The following ADAM19 variants were observed in gnomAD, a reference collection of about 807,000 sequenced individuals.
ADAM19 encodes disintegrin and metalloproteinase domain-containing protein 19.
Under a neutral mutation model 114.7 loss-of-function variants are expected in ADAM19, and 65 were observed. That is an observed-to-expected ratio of 0.57 (90% CI 0.46 to 0.70). ADAM19 has a LOEUF of 0.70. ADAM19 is among the 30% of genes least tolerant of loss of function. The pLI is 0.00. For synonymous variants in ADAM19, 466 were observed against 460.5 expected, an observed-to-expected ratio of 1.01 and a Z score of -0.15; for missense variants, 1,063 against 1,204.7, an observed-to-expected ratio of 0.88 and a Z score of 1.74.
chr5:157,519,823 G>A lies in ADAM19; in HGVS notation c.600+16C>T. 6.3e-7 allele frequency: 1 copy of A among 1,597,260 alleles called. No individual in the cohort carries two copies. Among genetic ancestry groups the A allele is most frequent in the Non-Finnish European group, 8.5e-7 (1 of 1,169,782 alleles). Reference sequence around the variant, plus strand: ...GTCCCCAGGTTGATTTCTGCACTGAGAGCCTCAAAACTCACCCTGCGAGGT... The same window carrying A: ...GTCCCCAGGTTGATTTCTGCACTGAAAGCCTCAAAACTCACCCTGCGAGGT... On this transcript the variant is annotated intron_variant, in intron 6 of 22. Coordinates refer to ENST00000257527, the MANE Select transcript of ADAM19 (RefSeq NM_033274.5).
At chr5:157,503,629 G>A (rs1023431781) in intron 11 of ADAM19, among the ~76,000 whole-genome samples, 65 of 152,192 alleles carry the variant, frequency 4.3e-4, no homozygotes, top group African/African-American at 1.5e-3. Flanking sequence ...AGGGGGCTGC[G>A]ATAAGTAAAG....
At chr5:157,569,273 T>C (rs1390187387) in intron 2 of ADAM19, among the ~76,000 whole-genome samples, 2 of 146,446 alleles carry the variant, frequency 1.4e-5, no homozygotes, top group African/African-American at 2.6e-5. Flanking sequence ...AGGTCTTGCA[T>C]TGTCACTCAG....
intron 19 of ADAM19, among the ~76,000 whole-genome samples, chr5:157,489,746 G>A (rs1034186611): frequency 6.6e-6 from 1 of 152,248 alleles, no homozygotes; most frequent in Admixed American, 6.5e-5. Context: ...AGCATTTTGG[G>A]AGGCCAAAGC....
Position 157,509,341 on chromosome 5 carries a change from G to A in ADAM19, c.865C>T (p.Leu289=). The change falls in exon 9 of 23, where the codon CTG becomes TTG. Residue 289 remains leucine (L), a synonymous_variant. Transcript: ENST00000257527. ...TTGTCATGGTACTTCTGGGCAAGCA[G>A]CTTGCGCCTCCAACTGAGAAAGGAC... is the stretch of plus-strand genomic sequence containing the variant. ...LWSFLSWRRK[L]LAQKYHDNAQ... is the part of the protein sequence containing the mutation. 1 of 1,612,492 alleles carries A rather than the reference G, an allele frequency of 6.2e-7. No homozygotes were observed. The highest frequency in any genetic ancestry group is 8.5e-7 in the Non-Finnish European group (1 of 1,179,026).
chr5:157,484,231 T>G (rs527842066), intron 21 of ADAM19, among the ~76,000 whole-genome samples: 1 of 152,324 alleles, frequency 6.6e-6, no homozygotes, highest in South Asian at 2.1e-4. Context: ...CTTACTGCCT[T>G]ACAACATATA....
chr5:157,545,949 G>A (rs145368396), intron 3 of ADAM19, among the ~76,000 whole-genome samples: 138 of 152,324 alleles, frequency 9.1e-4, no homozygotes, highest in African/African-American at 3.0e-3. Flanking sequence ...TGATCAAGAC[G>A]CAGCACCTTT....
chr5:157,519,181 A>C (rs1326072719), intron 6 of ADAM19, among the ~76,000 whole-genome samples: 1 of 152,202 alleles, frequency 6.6e-6, no homozygotes, highest in Non-Finnish European at 1.5e-5. Flanking sequence ...TATGAGAGGG[A>C]GTGTGCTAAC....
intron 3 of ADAM19, among the ~76,000 whole-genome samples, chr5:157,556,631 C>G (rs1757376364): frequency 6.6e-6 from 1 of 152,158 alleles, no homozygotes; most frequent in African/African-American, 2.4e-5. Context: ...CCACACCCTG[C>G]AATGAAGGTA....
intron 3 of ADAM19, among the ~76,000 whole-genome samples, chr5:157,551,412 CA>C (rs58612508): frequency 4.5e-4 from 53 of 118,260 alleles, no homozygotes; most frequent in Admixed American, 1.4e-3. Flanking sequence ...CCCCCAACCC[CA>C]AAAAAAAAAA....
chr5:157,487,356 T>C (rs1386638192), intron 21 of ADAM19, among the ~76,000 whole-genome samples: 2 of 152,148 alleles, frequency 1.3e-5, no homozygotes, highest in Non-Finnish European at 1.5e-5. Flanking sequence ...TCCCAAACTG[T>C]ACCACTGCCA....
rs1436109919 is a variant in ADAM19 at position 157,504,650 on chromosome 5, AT to A, written c.1130+1018del. ...TGTTTCTTGGAGACATTGAAACACC[AT>A]TCTCTAAGAATCATAAACAGGCCCT... On this transcript the variant is annotated intron_variant, in intron 11 of 22. Transcript: ENST00000257527. Among the ~76,000 whole-genome samples the A allele has an allele frequency of 2.0e-5, 3 of 152,186 alleles. No homozygotes were observed. In the South Asian group the frequency reaches 6.2e-4, roughly 32 times the overall value.
Position 157,505,740 on chromosome 5 carries a change from C to G in ADAM19, c.1059G>C (p.Met353Ile). Residue 353 changes from methionine (M) to isoleucine (I), a missense_variant, in exon 11 of 23, where the codon ATG becomes ATC. Physicochemically the swap from Met to Ile is conservative, Grantham distance 10. Around this residue, in one of 3 missense-constraint regions of ADAM19, gnomAD observed 615 missense variants for 706.3 expected, o/e 0.87. Transcript: ENST00000257527. Reference protein sequence around the residue: ...MAHEMGHNFGMTHDSADCCSA... With the variant: ...MAHEMGHNFGITHDSADCCSA... Reference sequence around the variant, plus strand: ...AGCAGCAATCTGCAGAATCATGGGTCATGCCAAAGTTGTGGCCCATCTCGT... The same window carrying G: ...AGCAGCAATCTGCAGAATCATGGGTGATGCCAAAGTTGTGGCCCATCTCGT... The G allele has an allele frequency of 6.2e-7, 1 of 1,614,166 alleles. No homozygotes were observed. Among genetic ancestry groups the G allele is most frequent in the Non-Finnish European group, 8.5e-7 (1 of 1,180,020 alleles).
chr5:157,567,221 A>G (rs1757688006), intron 2 of ADAM19, among the ~76,000 whole-genome samples: 1 of 152,218 alleles, frequency 6.6e-6, no homozygotes, highest in Non-Finnish European at 1.5e-5. Context: ...AGATCTCAAC[A>G]TTCCGATCAA....
intron 3 of ADAM19, among the ~76,000 whole-genome samples, chr5:157,548,938 T>G (rs567682708): frequency 6.6e-6 from 1 of 152,252 alleles, no homozygotes; most frequent in African/African-American, 2.4e-5. Context: ...TGTATATCCA[T>G]AAATCCGTCT....
chr5:157,537,944 C>T lies in ADAM19; in HGVS notation c.299G>A (p.Gly100Asp), dbSNP rs1285493015. The change falls in exon 4 of 23, where the codon GGT becomes GAT. Residue 100 changes from glycine to aspartate, a missense_variant. Gly to Asp is a moderately conservative substitution (Grantham distance 94). This residue lies in a region of ADAM19 where 615 missense variants were observed against 706.3 expected (regional missense o/e 0.87). Transcript: ENST00000257527. ...SYTETHYTSSGNPQTTTRKLE... is the reference protein window; with the variant it reads ...SYTETHYTSSDNPQTTTRKLE... ...TTTCCGTGTGGTGGTTTGAGGGTTA[C>T]CACTTGAAGTATAATGGGTTTCTGT... 1 of 1,613,886 alleles carries T rather than the reference C, an allele frequency of 6.2e-7. No homozygotes were observed. Among genetic ancestry groups the T allele is most frequent in the Non-Finnish European group, 8.5e-7 (1 of 1,179,992 alleles).
intron 7 of ADAM19, 142 bp from the exon 8 acceptor site, chr5:157,513,647 C>G (rs1435528763): frequency 8.3e-6 from 6 of 721,380 alleles, no homozygotes; most frequent in East Asian, 5.5e-5. Context: ...TCTTCCCCAC[C>G]ACAGTAAGAG....
intron 5 of ADAM19, among the ~76,000 whole-genome samples, chr5:157,529,950 C>T (rs971659101): frequency 1.3e-5 from 2 of 152,138 alleles, no homozygotes; most frequent in Non-Finnish European, 2.9e-5. Flanking sequence ...GTTCATTAAC[C>T]GTCCATTTCC....
chr5:157,554,464 G>C (rs750261700), intron 3 of ADAM19, among the ~76,000 whole-genome samples: 1 of 152,252 alleles, frequency 6.6e-6, no homozygotes, highest in Non-Finnish European at 1.5e-5. Context: ...GGACAGTTCA[G>C]GGCCTCATCT....
At chr5:157,543,200 G>A (rs1250637302) in intron 3 of ADAM19, among the ~76,000 whole-genome samples, 2 of 152,044 alleles carry the variant, frequency 1.3e-5, no homozygotes, top group African/African-American at 4.8e-5. Context: ...CATCTTGCTG[G>A]TTAGCCCATT....
Sources: gnomAD v4.1 joint callset for allele counts (sites outside exome capture counted in the v4.1 genomes callset) on GRCh38, gnomAD v4.1.1 for gene constraint, gnomAD v4.1.1 regional missense constraint, MANE v1.5 for transcripts, NCBI Gene and HGNC (gene_info 2026-07-23, HGNC 2026-07-21) for gene names.